ASMTL: variants seen among roughly 807,000 people sequenced by gnomAD.
The protein encoded by ASMTL is acetylserotonin O-methyltransferase like.
ASMTL carries 57 observed loss-of-function variants against 60.3 expected under a neutral mutation model. The observed-to-expected ratio is 0.95, with a 90% confidence interval of 0.76 to 1.18. The LOEUF is 1.18. Among genes scored for constraint, ASMTL ranks in the 50% most tolerant of loss-of-function variants. The probability of loss-of-function intolerance (pLI) is 0.00; values close to 1 mark genes in which losing one functional copy is unlikely to be tolerated. For missense variants in ASMTL, 981 were observed against 852.6 expected, an observed-to-expected ratio of 1.15 and a Z score of -1.88; for synonymous variants, 419 against 373.0, an observed-to-expected ratio of 1.12 and a Z score of -1.42.
intron 6 of ASMTL, among the ~76,000 whole-genome samples, chrX:1,429,864 C>T: frequency 6.6e-6 from 1 of 151,972 alleles, no homozygotes; most frequent in Non-Finnish European, 1.5e-5. Flanking sequence ...TTAAATCAAG[C>T]CAATTATCCC....
intron 2 of ASMTL, chrX:1,441,811 ATAT>A: frequency 5.1e-6 from 1 of 195,624 alleles, no homozygotes; most frequent in Non-Finnish European, 1.0e-5. Context: ...TTGCAAGAGG[ATAT>A]TATAACACAT....
At chrX:1,412,461 C>T (rs1215905351) in intron 12 of ASMTL, among the ~76,000 whole-genome samples, 6 of 152,196 alleles carry the variant, frequency 3.9e-5, no homozygotes, top group East Asian at 1.9e-4. Context: ...CTGCTCACCC[C>T]GGGTGATCCA....
chrX:1,446,105 T>C (rs1269268351), intron 1 of ASMTL, among the ~76,000 whole-genome samples: 1 of 152,204 alleles, frequency 6.6e-6, no homozygotes, highest in Non-Finnish European at 1.5e-5. Flanking sequence ...CTGCCTTTAG[T>C]TAGCAGGAGC....
At chrX:1,411,773 C>A (rs1378278288) in intron 12 of ASMTL, among the ~76,000 whole-genome samples, 8 of 148,904 alleles carry the variant, frequency 5.4e-5, no homozygotes, top group African/African-American at 2.0e-4. Context: ...TTCAACTTCA[C>A]GAATAGTAAA....
Position 1,421,711 on chromosome X carries a change from CCT to C in ASMTL, c.1190_1191del (p.Glu397GlyfsTer75). On this transcript the variant is annotated frameshift_variant, in exon 9 of 13. Coordinates refer to ENST00000381317, the MANE Select transcript of ASMTL (RefSeq NM_004192.4). LOFTEE classifies it high-confidence loss of function. ...AACGCCCTGTGGTGCTGGTTTGTTC[CCT>C]CTCGGATGGCAAACTCCAGGTATGT... Reference protein sequence around the residue: ...LFTYLEFAIREGTNQHHRALG... With the variant: ...LFTYLEFAIRXGTNQHHRALG... 6.2e-7 allele frequency: 1 copy of C among 1,613,884 alleles called. No homozygotes were observed.
intron 9 of ASMTL, 134 bp from the exon 10 acceptor site, chrX:1,419,248 G>C (rs771776920): frequency 3.0e-6 from 3 of 1,000,716 alleles, no homozygotes; most frequent in South Asian, 3.1e-5. Context: ...CTGCAGAGCG[G>C]GCTTCATGCC....
At chrX:1,431,633 ATATATAT>A (rs71743493) in intron 6 of ASMTL, among the ~76,000 whole-genome samples, 1,964 of 145,714 alleles carry the variant, frequency 0.013, 40 homozygotes, top group African/African-American at 0.045. Flanking sequence ...TATATTATAA[ATATATAT>A]TATATAATTT....
At chrX:1,407,824 AGAG>A (rs1196719049) in intron 12 of ASMTL, among the ~76,000 whole-genome samples, 3 of 151,968 alleles carry the variant, frequency 2.0e-5, no homozygotes, top group Admixed American at 2.0e-4. Context: ...GGAGGAGAGA[AGAG>A]AAACAGAGAT....
intron 10 of ASMTL, 80 bp downstream of exon 10, chrX:1,418,902 T>TAA: frequency 6.4e-7 from 1 of 1,565,224 alleles, no homozygotes; most frequent in East Asian, 2.3e-5. Context: ...AAAAGGCAGT[T>TAA]GGTAGGTGTC....
At chrX:1,451,473 G>A (rs2091381441) in intron 1 of ASMTL, among the ~76,000 whole-genome samples, 2 of 144,016 alleles carry the variant, frequency 1.4e-5, no homozygotes, top group South Asian at 2.2e-4. Flanking sequence ...TGGGTCCCGG[G>A]TTACTCTCCC....
intron 7 of ASMTL, 116 bp from the exon 8 acceptor site, chrX:1,425,803 C>G: frequency 4.0e-6 from 4 of 1,010,704 alleles, no homozygotes; most frequent in Non-Finnish European, 5.8e-6. Flanking sequence ...GGCCATTGAG[C>G]CTTCTTTCAC....
At position 1,439,163 on chromosome X, in the gene ASMTL, C is replaced by G. The variant is rs2091046730; in HGVS notation, c.226-19G>C. 6 of 1,613,800 alleles carry G rather than the reference C, an allele frequency of 3.7e-6. No homozygotes were observed. The highest frequency in any genetic ancestry group is 1.3e-5 in the African/African-American group (1 of 75,070). On this transcript the variant is annotated intron_variant, in intron 2 of 12. Coordinates refer to ENST00000381317, the MANE Select transcript of ASMTL (RefSeq NM_004192.4). ...GGTCTTTCTGTAAGAAAACCAGATTCCGGTTTACCGGTGACGTGCCGTGGG... is the reference window on the plus strand; with the variant it reads ...GGTCTTTCTGTAAGAAAACCAGATTGCGGTTTACCGGTGACGTGCCGTGGG...
chrX:1,411,035 A>G (rs1200553416), intron 12 of ASMTL, among the ~76,000 whole-genome samples: 1 of 150,034 alleles, frequency 6.7e-6, no homozygotes, highest in Non-Finnish European at 1.5e-5. Context: ...AAAATAAAAA[A>G]TTAGCCGGGC....
chrX:1,432,366 C>A lies in ASMTL; in HGVS notation c.412G>T (p.Asp138Tyr). 1 of 1,612,670 alleles carries A rather than the reference C, an allele frequency of 6.2e-7. No homozygotes were observed. The highest frequency in any genetic ancestry group is 8.5e-7 in the Non-Finnish European group (1 of 1,179,534). ...TCGTAGAATTCCGAGACCCTGGTGT[C>A]CAGCTGATGGTCTGCAAGGACACAG... The part of the protein sequence containing the change: ...VHCSSKDHQL[D>Y]TRVSEFYEET... Residue 138 changes from aspartate (D) to tyrosine (Y), a missense_variant, in exon 6 of 13, where the codon GAC (aspartate) becomes TAC (tyrosine). By Grantham distance (160) the Asp-to-Tyr change is radical (BLOSUM62 -3). Coordinates refer to ENST00000381317, the MANE Select transcript of ASMTL (RefSeq NM_004192.4).
intron 9 of ASMTL, among the ~76,000 whole-genome samples, chrX:1,420,543 G>C (rs745950230): frequency 9.9e-5 from 15 of 152,146 alleles, no homozygotes; most frequent in Non-Finnish European, 1.9e-4. Context: ...ACGGCCAGCC[G>C]AGCCCACAGC....
At chrX:1,416,081 A>G (rs1339489173) in intron 11 of ASMTL, among the ~76,000 whole-genome samples, 5 of 151,496 alleles carry the variant, frequency 3.3e-5, no homozygotes, top group Admixed American at 6.6e-5. Flanking sequence ...ACAGATGGGC[A>G]CACTCACGCA....
At chrX:1,426,163 T>A (rs754189863) in intron 7 of ASMTL, among the ~76,000 whole-genome samples, 36 of 151,712 alleles carry the variant, frequency 2.4e-4, no homozygotes, top group South Asian at 8.4e-4. Context: ...GAAGACAGCA[T>A]CTCCAAGCCC....
Position 1,429,469 on chromosome X carries a change from G to A in ASMTL, c.510-1348C>T, listed in dbSNP as rs762925467. Among the ~76,000 whole-genome samples the A allele has an allele frequency of 2.0e-4, 30 of 151,942 alleles. No homozygotes were observed. In the East Asian group the frequency reaches 5.6e-3, roughly 28 times the overall value. ...CGTCTTGGCTTGAGCTACTGTGCCC[G>A]GCCTGTCTTTCTTTAAATGTATGTA... On this transcript the variant is annotated intron_variant, in intron 6 of 12. Transcript: ENST00000381317.
intron 3 of ASMTL, among the ~76,000 whole-genome samples, chrX:1,436,247 C>T (rs1407600437): frequency 1.3e-5 from 2 of 152,252 alleles, no homozygotes; most frequent in African/African-American, 4.8e-5. Context: ...GGTCTTGGCT[C>T]ACTGCAACCT....
Sources: allele counts gnomAD v4.1 joint callset (sites outside exome capture counted in the v4.1 genomes callset), GRCh38; gene constraint gnomAD v4.1.1; transcripts MANE v1.5; gene names NCBI Gene and HGNC (gene_info 2026-07-23, HGNC 2026-07-21).